SLC7A8: variants seen among roughly 807,000 people sequenced by gnomAD.
SLC7A8 encodes solute carrier family 7 member 8.
A neutral mutation model predicts 51.2 loss-of-function variants in SLC7A8; 30 were observed. The observed-to-expected ratio is 0.59, with a 90% CI of 0.44 to 0.80. The LOEUF (loss-of-function observed/expected upper bound fraction) is 0.80. Among genes scored for constraint, SLC7A8 ranks in the 30% least tolerant of loss-of-function variants. SLC7A8 has a pLI of 0.00. For missense variants in SLC7A8, 612 were observed against 674.4 expected (o/e 0.91, Z 1.03); for synonymous variants, 257 against 275.8 (o/e 0.93, Z 0.67).
At chr14:23,132,113 T>TC (rs1320101765) in intron 7 of SLC7A8, among the ~76,000 whole-genome samples, 1 of 149,256 alleles carries the variant, frequency 6.7e-6, no homozygotes, top group Non-Finnish European at 1.5e-5. Context: ...TAAGCAATTC[T>TC]CTGCCTCAGC....
Position 23,164,561 on chromosome 14 carries a change from C to A in SLC7A8, c.508+724G>T, listed in dbSNP as rs139893522. 1.8e-4 allele frequency among the ~76,000 whole-genome samples: 28 copies of A among 152,112 alleles called. 1 individual carries two copies. The East Asian group carries it at 4.2e-3, about 23-fold the overall frequency. ...AAGTGCTTTGCGTAATGTCAAGAAC[C>A]CTGCCAGTGAAAATCATAGTGCCTC... is the stretch of plus-strand genomic sequence containing the variant. On this transcript the variant is annotated intron_variant, in intron 3 of 10. Coordinates refer to ENST00000316902, the MANE Select transcript of SLC7A8 (RefSeq NM_012244.4).
At chr14:23,168,612 T>C (rs1345186148) in intron 1 of SLC7A8, among the ~76,000 whole-genome samples, 1 of 152,200 alleles carries the variant, frequency 6.6e-6, no homozygotes, top group Non-Finnish European at 1.5e-5. Context: ...TTGACTTTGG[T>C]CTTTAAGGTA....
At position 23,156,961 on chromosome 14, in the gene SLC7A8, C is replaced by T. The variant is rs767895866; in HGVS notation, c.508+8324G>A. On this transcript the variant is annotated intron_variant, in intron 3 of 10. Transcript: ENST00000316902. ...GGCCAGCAGTTGAAGCACATTGAAACGAAGAAGAAGGCTGACTTCTCAGGT... is the reference window on the plus strand; with the variant it reads ...GGCCAGCAGTTGAAGCACATTGAAATGAAGAAGAAGGCTGACTTCTCAGGT... Among the ~76,000 whole-genome samples, 11 of 152,268 alleles carry T rather than the reference C, an allele frequency of 7.2e-5. 1 individual carries two copies. Among genetic ancestry groups the T allele is most frequent in the South Asian group, 4.1e-4 (2 of 4,822 alleles).
chr14:23,170,825 A>C (rs144803139), intron 1 of SLC7A8, among the ~76,000 whole-genome samples: 516 of 152,182 alleles, frequency 3.4e-3, no homozygotes, highest in Non-Finnish European at 5.0e-3. Context: ...CCCTGGGCTC[A>C]AGTGATCCTC....
chr14:23,127,408 C>G, intron 10 of SLC7A8, 65 bp from the exon 11 acceptor site: 1 of 1,578,486 alleles, frequency 6.3e-7, no homozygotes, highest in Non-Finnish European at 8.7e-7. Flanking sequence ...GGCCAAGTGG[C>G]CCCGGCCCTT....
In SLC7A8 at chr14:23,140,535, A is replaced by G; in HGVS notation, c.724T>C (p.Ser242Pro). Residue 242 changes from serine (S) to proline (P), a missense_variant, in exon 5 of 11, where the codon TCC becomes CCC. Ser to Pro is a moderately conservative substitution (Grantham distance 74). Transcript: ENST00000316902. ...GLVALAFLQGSFAYGGWNFLN... is the reference protein window; with the variant it reads ...GLVALAFLQGPFAYGGWNFLN... ...AAGTTCCAGCCTCCATAGGCAAAGG[A>G]GCCCTGAAGGAAAGCCAGTGCGACG... The G allele has an allele frequency of 6.2e-7, 1 of 1,614,146 alleles. No individual in the cohort carries two copies. Among genetic ancestry groups the G allele is most frequent in the Non-Finnish European group, 8.5e-7 (1 of 1,179,968 alleles).
intron 3 of SLC7A8, chr14:23,155,143 C>T: frequency 6.5e-7 from 1 of 1,534,424 alleles, no homozygotes; most frequent in Non-Finnish European, 8.7e-7. Context: ...CTTCTCCAGC[C>T]CTTTTCATCT....
chr14:23,151,318 C>A (rs2140323943), intron 3 of SLC7A8, among the ~76,000 whole-genome samples: 1 of 152,306 alleles, frequency 6.6e-6, no homozygotes, highest in South Asian at 2.1e-4. Context: ...CACATAGAAG[C>A]CACCGTGCTG....
chr14:23,148,504 A>G (rs2048818398), intron 3 of SLC7A8, among the ~76,000 whole-genome samples: 1 of 152,236 alleles, frequency 6.6e-6, no homozygotes, highest in South Asian at 2.1e-4. Context: ...CTGGGATTAC[A>G]GGCCTGAGCC....
Position 23,129,697 on chromosome 14 carries a change from G to C in SLC7A8, c.1216C>G (p.Gln406Glu). 1 of 1,614,220 alleles carries C rather than the reference G, an allele frequency of 6.2e-7. No homozygotes were observed. The highest frequency in any genetic ancestry group is 8.5e-7 in the Non-Finnish European group (1 of 1,180,042). ...GGCTTCTTCCAGCGAAGGACTATCT[G>C]TCCAGCAACCGTGACCCCATAGAAG... ...YLFYGVTVAG[Q>E]IVLRWKKPDI... Residue 406 changes from glutamine to glutamate, a missense_variant, in exon 9 of 11, where the codon CAG (glutamine) becomes GAG (glutamate). Gln to Glu is a conservative substitution (Grantham distance 29). Transcript: ENST00000316902.
At chr14:23,130,973 C>T (rs549964578) in intron 8 of SLC7A8, among the ~76,000 whole-genome samples, 31 of 152,326 alleles carry the variant, frequency 2.0e-4, no homozygotes, top group African/African-American at 6.3e-4. Flanking sequence ...CAGTCTTCCT[C>T]TATTATTTTT....
At chr14:23,127,990 G>A (rs746076452) in intron 10 of SLC7A8, 29 bp downstream of exon 10, 22 of 1,601,916 alleles carry the variant, frequency 1.4e-5, no homozygotes, top group Non-Finnish European at 1.9e-5. Context: ...AGGAGGCCCT[G>A]AAGCCAGCCA....
chr14:23,157,653 C>T (rs1306186652), intron 3 of SLC7A8, among the ~76,000 whole-genome samples: 1 of 152,218 alleles, frequency 6.6e-6, no homozygotes, highest in Non-Finnish European at 1.5e-5. Flanking sequence ...GACCTTGACA[C>T]ATGTTAATTC....
Position 23,131,440 on chromosome 14 carries a change from TAC to T in SLC7A8, c.1113+19_1113+20del. On this transcript the variant is annotated intron_variant, in intron 8 of 10. Transcript: ENST00000316902. ...AAAGAGAGGGAGGTGTGTGGAGAGT[TAC>T]AGCAGGAAGGGCCCTTACTGTGAAG... is the stretch of plus-strand genomic sequence containing the variant. 1 of 1,550,276 alleles carries T rather than the reference TAC, an allele frequency of 6.5e-7. No homozygotes were observed.
In SLC7A8 at chr14:23,166,396, G is replaced by A; in HGVS notation, c.296C>T (p.Thr99Ile). 6.2e-7 allele frequency: 1 copy of A among 1,614,136 alleles called. No individual in the cohort carries two copies. The highest frequency in any genetic ancestry group is 8.5e-7 in the Non-Finnish European group (1 of 1,180,032). Reference protein sequence around the residue: ...GALCYAELGVTIPKSGGDYSY... With the variant: ...GALCYAELGVIIPKSGGDYSY... ...GTAGTCACCTCCAGATTTGGGGATG[G>A]TGACCCCGAGTTCAGCATAGCAGAG... Residue 99 changes from threonine to isoleucine, a missense_variant, in exon 2 of 11, where the codon ACC (threonine) becomes ATC (isoleucine). Coordinates refer to ENST00000316902, the MANE Select transcript of SLC7A8 (RefSeq NM_012244.4).
At position 23,129,777 on chromosome 14, in the gene SLC7A8, A is replaced by G. The variant is rs760750043; in HGVS notation, c.1136T>C (p.Leu379Pro). The G allele has an allele frequency of 1.2e-6, 2 of 1,614,176 alleles. No individual in the cohort carries two copies. Among genetic ancestry groups the G allele is most frequent in the Admixed American group, 1.7e-5 (1 of 60,020 alleles). Residue 379 changes from leucine to proline, a missense_variant, in exon 9 of 11, where the codon CTG becomes CCG. By Grantham distance (98) the Leu-to-Pro change is moderately conservative. Transcript: ENST00000316902. ...LFTCISTLLM[L>P]VTSDMYTLIN... ...GAGTGTGTACATGTCGCTGGTGACC[A>G]GCATCAGCAGGGTGGAGATGCACTG...
intron 3 of SLC7A8, 73 bp from the exon 4 acceptor site, chr14:23,143,277 G>A: frequency 6.3e-7 from 1 of 1,589,594 alleles, no homozygotes; most frequent in Non-Finnish European, 8.6e-7. Flanking sequence ...CACACAAGCA[G>A]AACTGCTCCC....
Position 23,158,494 on chromosome 14 carries a change from C to T in SLC7A8, c.508+6791G>A, listed in dbSNP as rs562480380. ...CTGAGCAGCTGGGACTACAGGCCCCCGCCACCACGCCCAGCTAATTTTTGT... is the reference window on the plus strand; with the variant it reads ...CTGAGCAGCTGGGACTACAGGCCCCTGCCACCACGCCCAGCTAATTTTTGT... On this transcript the variant is annotated intron_variant, in intron 3 of 10. Coordinates refer to ENST00000316902, the MANE Select transcript of SLC7A8 (RefSeq NM_012244.4). Among the ~76,000 whole-genome samples the T allele has an allele frequency of 7.2e-5, 11 of 152,204 alleles. No homozygotes were observed. The South Asian group carries it at 1.0e-3, about 14-fold the overall frequency.
chr14:23,149,038 C>T (rs778693029), intron 3 of SLC7A8, among the ~76,000 whole-genome samples: 1 of 152,106 alleles, frequency 6.6e-6, no homozygotes, highest in Non-Finnish European at 1.5e-5. Flanking sequence ...ACAGGCCTTG[C>T]GGGACACCAG....
Sources: gnomAD v4.1 joint callset for allele counts (sites outside exome capture counted in the v4.1 genomes callset) on GRCh38, gnomAD v4.1.1 for gene constraint, MANE v1.5 for transcripts, NCBI Gene and HGNC (gene_info 2026-07-23, HGNC 2026-07-21) for gene names.